The following SLC7A11 variants were observed in gnomAD, a reference collection of about 807,000 sequenced individuals.
SLC7A11 encodes the protein cystine/glutamate transporter.
In SLC7A11, 35 loss-of-function variants were observed where a neutral mutation model predicts 54.5. That is an observed-to-expected ratio of 0.64 (90% confidence interval 0.49 to 0.85). The LOEUF (loss-of-function observed/expected upper bound fraction) is 0.85. Among genes scored for constraint, SLC7A11 ranks in the 40% least tolerant of loss-of-function variants. SLC7A11 has a pLI of 0.00. For missense variants in SLC7A11, 583 were observed against 618.1 expected (o/e 0.94, Z 0.60); for synonymous variants, 230 against 225.2 (o/e 1.02, Z -0.19).
intron 1 of SLC7A11, among the ~76,000 whole-genome samples, chr4:138,240,736 A>C (rs990332573): frequency 6.6e-6 from 1 of 152,184 alleles, no homozygotes; most frequent in African/African-American, 2.4e-5. Flanking sequence ...AGTTAGTGTT[A>C]GTCCCAGAGT....
rs752729293 is a variant in SLC7A11, at chr4:138,180,797, G to A, written c.1117-7C>T. 3.9e-5 allele frequency: 62 copies of A among 1,607,006 alleles called. No homozygotes were observed. Among genetic ancestry groups the A allele is most frequent in the Non-Finnish European group, 5.2e-5 (61 of 1,176,838 alleles). On this transcript the variant is annotated splice_polypyrimidine_tract_variant and splice_region_variant and intron_variant, in intron 9 of 11. Coordinates refer to ENST00000280612, the MANE Select transcript of SLC7A11 (RefSeq NM_014331.4). ...TTATCATTGTCAAAGGGTGCTGAGG[G>A]GGGAAAGGGAAGCAAGCTTGGTGAA...
intron 6 of SLC7A11, among the ~76,000 whole-genome samples, chr4:138,194,343 T>A (rs1737081295): frequency 6.6e-6 from 1 of 152,196 alleles, no homozygotes; most frequent in Non-Finnish European, 1.5e-5. Flanking sequence ...AATGTTGTGA[T>A]CTTTTATCTT....
chr4:138,202,284 T>A (rs765045461), intron 6 of SLC7A11, among the ~76,000 whole-genome samples: 24 of 152,158 alleles, frequency 1.6e-4, no homozygotes, highest in Non-Finnish European at 3.1e-4. Context: ...ACTCCTTATA[T>A]CACAAGACAC....
At chr4:138,194,318 C>T (rs910357773) in intron 6 of SLC7A11, among the ~76,000 whole-genome samples, 4 of 152,120 alleles carry the variant, frequency 2.6e-5, no homozygotes, top group African/African-American at 9.7e-5. Context: ...GATTCATATT[C>T]CCCGCAGAAA....
chr4:138,210,241 T>C (rs1352417349), intron 6 of SLC7A11, among the ~76,000 whole-genome samples: 1 of 151,828 alleles, frequency 6.6e-6, no homozygotes, highest in African/African-American at 2.4e-5. Flanking sequence ...ATACAAAACT[T>C]AACAAGATGA....
intron 3 of SLC7A11, among the ~76,000 whole-genome samples, chr4:138,230,834 A>G (rs1738059829): frequency 6.6e-6 from 1 of 152,190 alleles, no homozygotes; most frequent in Non-Finnish European, 1.5e-5. Flanking sequence ...AAATTCTTAG[A>G]CTTCTCAGAA....
At chr4:138,184,757 A>G (rs1374140730) in intron 7 of SLC7A11, among the ~76,000 whole-genome samples, 1 of 150,726 alleles carries the variant, frequency 6.6e-6, no homozygotes, top group East Asian at 2.0e-4. Context: ...AAAGTTTACA[A>G]ACAGGAAAGT....
At chr4:138,237,700 AATATATATATATATATATATATATAT>A (rs1168512229) in intron 1 of SLC7A11, among the ~76,000 whole-genome samples, 3 of 14,710 alleles carry the variant, frequency 2.0e-4, no homozygotes, top group African/African-American at 6.0e-4. Context: ...GCCTAGCCAG[AATATATATATATATATATATATATAT>A]ATATATATAT....
intron 1 of SLC7A11, among the ~76,000 whole-genome samples, chr4:138,240,460 G>C (rs1020702442): frequency 1.3e-5 from 2 of 151,724 alleles, no homozygotes; most frequent in Admixed American, 1.3e-4. Flanking sequence ...CCAGCTACTC[G>C]GGAGGCTTAG....
chr4:138,240,006 T>C (rs777522606), intron 1 of SLC7A11, among the ~76,000 whole-genome samples: 9 of 152,174 alleles, frequency 5.9e-5, no homozygotes, highest in African/African-American at 9.6e-5. Flanking sequence ...TTTCTATAAG[T>C]GCATATACCA....
At chr4:138,219,464 A>G (rs1737756712) in intron 4 of SLC7A11, 99 bp from the exon 5 acceptor site, 1 of 690,966 alleles carries the variant, frequency 1.4e-6, no homozygotes, top group African/African-American at 1.8e-5. Flanking sequence ...TACTGTTGTA[A>G]GTCTAGATTT....
At chr4:138,200,190 A>T (rs868753429) in intron 6 of SLC7A11, among the ~76,000 whole-genome samples, 1 of 152,182 alleles carries the variant, frequency 6.6e-6, no homozygotes, top group South Asian at 2.1e-4. Flanking sequence ...AGAAAAATTA[A>T]ATATTGCCTC....
intron 6 of SLC7A11, among the ~76,000 whole-genome samples, chr4:138,188,345 G>A (rs1207789058): frequency 1.3e-5 from 2 of 152,164 alleles, no homozygotes; most frequent in South Asian, 2.1e-4. Flanking sequence ...TTACAGGCAT[G>A]AGCCACGACG....
intron 6 of SLC7A11, among the ~76,000 whole-genome samples, chr4:138,187,846 A>G (rs2148417168): frequency 6.6e-6 from 1 of 151,990 alleles, no homozygotes; most frequent in Middle Eastern, 3.4e-3. Flanking sequence ...GCTCACAATA[A>G]ATTTCCCTAA....
intron 1 of SLC7A11, among the ~76,000 whole-genome samples, chr4:138,236,855 T>G (rs1022483987): frequency 3.2e-4 from 48 of 152,274 alleles, no homozygotes; most frequent in African/African-American, 1.1e-3. Context: ...AATGTTTGAG[T>G]TAGCTTTTAA....
intron 11 of SLC7A11, among the ~76,000 whole-genome samples, chr4:138,173,634 C>T (rs1382618467): frequency 7.7e-6 from 1 of 130,298 alleles, no homozygotes; most frequent in African/African-American, 2.8e-5. Flanking sequence ...AACTCCATCT[C>T]AAAAAAAAAA....
rs561775044 is a variant in SLC7A11 at position 138,237,009 on chromosome 4, G to A, written c.278-558C>T. On this transcript the variant is annotated intron_variant, in intron 1 of 11. Coordinates refer to ENST00000280612, the MANE Select transcript of SLC7A11 (RefSeq NM_014331.4). ...TTTTTTTTTTTTTTTTTTTTGAGAC[G>A]GAGTCTCACTCTGTCGCCCAAGCTG... Among the ~76,000 whole-genome samples the A allele has an allele frequency of 3.1e-4, 35 of 113,446 alleles. No homozygotes were observed. The East Asian group carries it at 6.6e-3, about 21-fold the overall frequency. The allele number at this position is 113,446 out of a possible 152,430, so 74.4% of individuals were successfully genotyped here.
Position 138,220,787 on chromosome 4 carries a change from T to C in SLC7A11, c.647-1422A>G, listed in dbSNP as rs1233745377. On this transcript the variant is annotated intron_variant, in intron 4 of 11. Coordinates refer to ENST00000280612, the MANE Select transcript of SLC7A11 (RefSeq NM_014331.4). Reference sequence around the variant, plus strand: ...CAGAAGGGGGACAGGGGGTGGATGATGTGTATGAGACACTCTCTCTTCCAA... The same window carrying C: ...CAGAAGGGGGACAGGGGGTGGATGACGTGTATGAGACACTCTCTCTTCCAA... Among the ~76,000 whole-genome samples the C allele has an allele frequency of 2.0e-5, 3 of 152,332 alleles. No individual in the cohort carries two copies. In the East Asian group the frequency reaches 5.8e-4, roughly 29 times the overall value.
At chr4:138,223,352 A>C in intron 3 of SLC7A11, 28 bp from the exon 4 acceptor site, 1 of 1,610,030 alleles carries the variant, frequency 6.2e-7, no homozygotes, top group Admixed American at 1.7e-5. Flanking sequence ...AAGTTACAAA[A>C]GGTGAATTCT....
Sources: gnomAD v4.1 joint callset for allele counts (sites outside exome capture counted in the v4.1 genomes callset) on GRCh38, gnomAD v4.1.1 for gene constraint, MANE v1.5 for transcripts, NCBI Gene and HGNC (gene_info 2026-07-23, HGNC 2026-07-21) for gene names.